The following NRBF2 variants were observed in gnomAD, a reference collection of about 807,000 sequenced individuals.
NRBF2 encodes the protein nuclear receptor-binding factor 2.
In NRBF2, 12 loss-of-function variants were observed where a neutral mutation model predicts 28.5. The observed-to-expected ratio is 0.42, with a 90% CI of 0.27 to 0.68. The LOEUF (loss-of-function observed/expected upper bound fraction) is 0.68, where lower values mean the gene tolerates loss of function less well. NRBF2 is among the 30% of genes least tolerant of loss of function. NRBF2 has a pLI of 0.24. For synonymous variants in NRBF2, 102 were observed against 116.5 expected (o/e 0.88, Z 0.80); for missense variants, 274 against 333.5 (o/e 0.82, Z 1.39).
chr10:63,153,950 T>C lies in NRBF2; in HGVS notation c.596T>C (p.Leu199Pro), dbSNP rs751092491. 1 of 1,611,858 alleles carries C rather than the reference T, an allele frequency of 6.2e-7. No individual in the cohort carries two copies. Among genetic ancestry groups the C allele is most frequent in the East Asian group, 2.2e-5 (1 of 44,876 alleles). ...AGATTAAGGAAAGAAAATAAACAAC[T>C]AAAGGCTGAAAAGGCCAGACTTCTA... ...NERLRKENKQ[L>P]KAEKARLLKG... The change falls in exon 4 of 4, where the codon CTA (leucine) becomes CCA (proline). Residue 199 changes from leucine to proline, a missense_variant. Leu to Pro is a moderately conservative substitution (Grantham distance 98, BLOSUM62 -3). Coordinates refer to ENST00000277746, the MANE Select transcript of NRBF2 (RefSeq NM_030759.5).
intron 1 of NRBF2, among the ~76,000 whole-genome samples, chr10:63,136,638 C>G (rs1841383309): frequency 6.6e-6 from 1 of 152,154 alleles, no homozygotes; most frequent in Admixed American, 6.5e-5. Flanking sequence ...AGGTCAGTAA[C>G]TTAAATACAT....
intron 1 of NRBF2, 79 bp from the exon 2 acceptor site, chr10:63,146,123 TTATCTTC>T: frequency 2.0e-6 from 2 of 996,724 alleles, no homozygotes; most frequent in South Asian, 2.7e-5. Context: ...ACAGTATTAT[TTATCTTC>T]TTAAAAGGTA....
At chr10:63,144,994 T>C (rs565113398) in intron 1 of NRBF2, among the ~76,000 whole-genome samples, 3 of 152,222 alleles carry the variant, frequency 2.0e-5, no homozygotes, top group African/African-American at 7.2e-5. Flanking sequence ...TATAATCTTA[T>C]GTAAGTTACA....
intron 1 of NRBF2, among the ~76,000 whole-genome samples, chr10:63,141,309 G>A (rs1481350078): frequency 6.6e-6 from 1 of 152,116 alleles, no homozygotes; most frequent in East Asian, 1.9e-4. Flanking sequence ...GGTGCCGTGT[G>A]ACTGTATTTC....
rs570843776 is a variant in NRBF2 at position 63,152,536 on chromosome 10, A to G, written c.156+346A>G. Among the ~76,000 whole-genome samples the G allele has an allele frequency of 5.3e-5, 8 of 152,356 alleles. No homozygotes were observed. The South Asian group carries it at 1.2e-3, about 24-fold the overall frequency. Reference sequence around the variant, plus strand: ...AGTAAACAGGCCTGGCCAAGAGGAAACTAGTTGGACCACCCTTTGCTTGTC... The same window carrying G: ...AGTAAACAGGCCTGGCCAAGAGGAAGCTAGTTGGACCACCCTTTGCTTGTC... On this transcript the variant is annotated intron_variant, in intron 3 of 3. Transcript: ENST00000277746.
At chr10:63,145,776 T>C (rs547679438) in intron 1 of NRBF2, among the ~76,000 whole-genome samples, 1 of 152,256 alleles carries the variant, frequency 6.6e-6, no homozygotes, top group Non-Finnish European at 1.5e-5. Context: ...TGGATTTTAC[T>C]ACATGATGAG....
chr10:63,149,181 A>G (rs1055675737), intron 2 of NRBF2, among the ~76,000 whole-genome samples: 1 of 152,076 alleles, frequency 6.6e-6, no homozygotes, highest in African/African-American at 2.4e-5. Context: ...GGAGTGCATG[A>G]TCTCAGCTCA....
Position 63,154,392 on chromosome 10 carries a change from G to GC in NRBF2, c.*175dup, listed in dbSNP as rs1428881706. ...TTGGGAAACAGTCACTGTGAAATGC[G>GC]CTGCGTATCTCATTCACTCACTTCA... is the stretch of plus-strand genomic sequence containing the variant. On this transcript the variant is annotated 3_prime_UTR_variant, in exon 4 of 4. Transcript: ENST00000277746. 14 of 550,362 alleles carry GC rather than the reference G, an allele frequency of 2.5e-5. No homozygotes were observed. In the East Asian group the frequency reaches 3.6e-4, roughly 14 times the overall value. 34.1% of individuals were successfully genotyped at this position (550,362 alleles called of 1,614,324 possible).
chr10:63,133,437 C>G lies in NRBF2; in HGVS notation c.-34C>G. On this transcript the variant is annotated 5_prime_UTR_variant, in exon 1 of 4. Coordinates refer to ENST00000277746, the MANE Select transcript of NRBF2 (RefSeq NM_030759.5). The stretch of plus-strand genomic sequence containing the variant: ...CTCCATGTTCCCCGGCGCCACTACT[C>G]CCCTTCCTAAGGCCGCCGCTTACCC... The G allele has an allele frequency of 6.2e-7, 1 of 1,611,086 alleles. No individual in the cohort carries two copies. Among genetic ancestry groups the G allele is most frequent in the Non-Finnish European group, 8.5e-7 (1 of 1,178,552 alleles).
At chr10:63,134,753 T>C (rs544186828) in intron 1 of NRBF2, among the ~76,000 whole-genome samples, 2 of 152,334 alleles carry the variant, frequency 1.3e-5, no homozygotes, top group Non-Finnish European at 2.9e-5. Flanking sequence ...ACTTGAGCTT[T>C]AAAAGCCTAA....
At position 63,153,492 on chromosome 10, in the gene NRBF2, C is replaced by CT. The variant is rs1329643078; in HGVS notation, c.157-16dup. The CT allele has an allele frequency of 9.0e-6, 14 of 1,547,656 alleles. No individual in the cohort carries two copies. The highest frequency in any genetic ancestry group is 1.1e-5 in the Non-Finnish European group (13 of 1,140,198). ...ACTTAAAATATTCTTCCAATTTTAT[C>CT]TTTCCTTCTATGTAATAGGCTCATC... On this transcript the variant is annotated intron_variant, in intron 3 of 3. Transcript: ENST00000277746.
Position 63,154,484 on chromosome 10 carries a change from T to A in NRBF2, c.*266T>A. ...TCGGTTTCTCCTGATACAAACCAAA[T>A]GGCTACCTGGAAGAATTTCTTTCAA... On this transcript the variant is annotated 3_prime_UTR_variant, in exon 4 of 4. Coordinates refer to ENST00000277746, the MANE Select transcript of NRBF2 (RefSeq NM_030759.5). 1 of 288,418 alleles carries A rather than the reference T, an allele frequency of 3.5e-6. No homozygotes were observed. Among genetic ancestry groups the A allele is most frequent in the Non-Finnish European group, 6.4e-6 (1 of 156,026 alleles). The allele number at this position is 288,418 out of a possible 1,614,324, so 17.9% of individuals were successfully genotyped here.
intron 2 of NRBF2, 133 bp from the exon 3 acceptor site, chr10:63,152,017 A>T (rs1397886600): frequency 5.5e-6 from 3 of 540,990 alleles, no homozygotes; most frequent in Non-Finnish European, 9.7e-6. Context: ...GAATTCTTTT[A>T]AAAAATCCCC....
intron 1 of NRBF2, among the ~76,000 whole-genome samples, chr10:63,143,511 G>A (rs2132685174): frequency 6.6e-6 from 1 of 152,028 alleles, no homozygotes; most frequent in East Asian, 1.9e-4. Flanking sequence ...AGGCTGAAGT[G>A]TAATGGTGCG....
chr10:63,138,237 C>T (rs1234053185), intron 1 of NRBF2, among the ~76,000 whole-genome samples: 1 of 151,182 alleles, frequency 6.6e-6, no homozygotes, highest in Non-Finnish European at 1.5e-5. Flanking sequence ...CGCTTGAATC[C>T]AGGAGGTGGA....
Position 63,153,985 on chromosome 10 carries a change from A to G in NRBF2, c.631A>G (p.Ile211Val), listed in dbSNP as rs528659735. Residue 211 changes from isoleucine (I) to valine (V), a missense_variant, in exon 4 of 4, where the codon ATA becomes GTA. Transcript: ENST00000277746. ...AEKARLLKGP[I>V]EKELDVDADF... Reference sequence around the variant, plus strand: ...AAAGGCCAGACTTCTAAAAGGTCCAATAGAAAAGGAGCTGGATGTAGATGC... The same window carrying G: ...AAAGGCCAGACTTCTAAAAGGTCCAGTAGAAAAGGAGCTGGATGTAGATGC... The G allele has an allele frequency of 4.4e-5, 71 of 1,611,734 alleles. No homozygotes were observed. The highest frequency in any genetic ancestry group is 2.8e-4 in the African/African-American group (21 of 74,904).
At chr10:63,136,724 C>G (rs1841385141) in intron 1 of NRBF2, among the ~76,000 whole-genome samples, 1 of 152,190 alleles carries the variant, frequency 6.6e-6, no homozygotes, top group African/African-American at 2.4e-5. Context: ...ATGTTCATTT[C>G]AGTATGGTTC....
chr10:63,136,699 C>A (rs1289588526), intron 1 of NRBF2, among the ~76,000 whole-genome samples: 7 of 152,150 alleles, frequency 4.6e-5, no homozygotes, highest in Middle Eastern at 3.2e-3. Flanking sequence ...GCAATGCTGC[C>A]ATATTGTACT....
chr10:63,138,180 G>GT (rs942811932), intron 1 of NRBF2, among the ~76,000 whole-genome samples: 5 of 152,082 alleles, frequency 3.3e-5, no homozygotes, highest in African/African-American at 1.2e-4. Flanking sequence ...AGGTGTGGTG[G>GT]TGGGTGCCTG....
Sources: gnomAD v4.1 joint callset for allele counts (sites outside exome capture counted in the v4.1 genomes callset) on GRCh38, gnomAD v4.1.1 for gene constraint, MANE v1.5 for transcripts, NCBI Gene and HGNC (gene_info 2026-07-23, HGNC 2026-07-21) for gene names.